Variants in TNN observed in about 807,000 individuals in gnomAD.
TNN encodes tenascin-N.
In TNN, 122 loss-of-function variants were observed where a neutral mutation model predicts 134.4. The observed-to-expected ratio is 0.91, with a 90% CI of 0.78 to 1.06. The LOEUF is 1.06. Ranked by LOEUF, TNN falls within the 50% of genes least tolerant of loss-of-function variation. TNN has a pLI of 0.00. For synonymous variants in TNN, 710 were observed against 670.3 expected (o/e 1.06, Z -0.91); for missense variants, 1,739 against 1,699.4 (o/e 1.02, Z -0.41).
intron 1 of TNN, among the ~76,000 whole-genome samples, chr1:175,069,711 C>A (rs928767526): frequency 1.3e-5 from 2 of 152,338 alleles, no homozygotes; most frequent in East Asian, 1.9e-4. Context: ...TTGCTAAGAT[C>A]TCAGGCCTGA....
chr1:175,079,797 C>T, intron 3 of TNN, 90 bp downstream of exon 3: 2 of 1,450,694 alleles, frequency 1.4e-6, no homozygotes, highest in Non-Finnish European at 1.8e-6. Context: ...CTTTGGGGGT[C>T]TCTTCCTTTA....
At position 175,098,515 on chromosome 1, in the gene TNN, C is replaced by T. The variant is rs756343208; in HGVS notation, c.2039C>T (p.Pro680Leu). The stretch of plus-strand genomic sequence containing the variant: ...AGCACAGTCCTGACAGGCCTGAGAC[C>T]GGGTATGGAGTACATGGTGCACGTG... Reference protein sequence around the residue: ...QSSTVLTGLRPGMEYMVHVWA... With the variant: ...QSSTVLTGLRLGMEYMVHVWA... The change falls in exon 9 of 19, where the codon CCG becomes CTG. Residue 680 changes from proline (P) to leucine (L), a missense_variant. Physicochemically the swap from Pro to Leu is moderately conservative, Grantham distance 98. Coordinates refer to ENST00000239462, the MANE Select transcript of TNN (RefSeq NM_022093.2). 251 of 1,614,042 alleles carry T rather than the reference C, an allele frequency of 1.6e-4. No individual in the cohort carries two copies. The highest frequency in any genetic ancestry group is 4.9e-4 in the Middle Eastern group (3 of 6,062).
intron 6 of TNN, 124 bp from the exon 7 acceptor site, chr1:175,093,866 G>A: frequency 2.1e-6 from 2 of 951,292 alleles, no homozygotes; most frequent in Non-Finnish European, 3.1e-6. Flanking sequence ...ATGATGGAGA[G>A]ACCCCCTTGT....
At chr1:175,109,182 G>C (rs1043109230) in intron 9 of TNN, among the ~76,000 whole-genome samples, 7 of 133,154 alleles carry the variant, frequency 5.3e-5, no homozygotes, top group Non-Finnish European at 6.2e-5. Context: ...TCCGCTTCCC[G>C]GGTTCACGCC....
intron 17 of TNN, among the ~76,000 whole-genome samples, chr1:175,143,257 C>T (rs1470329773): frequency 1.3e-5 from 2 of 152,158 alleles, no homozygotes; most frequent in Non-Finnish European, 2.9e-5. Flanking sequence ...CGAAGAAGAT[C>T]GCTAAACTTA....
chr1:175,137,044 T>C (rs1675830706), intron 17 of TNN, 56 bp downstream of exon 17: 1 of 1,583,794 alleles, frequency 6.3e-7, no homozygotes, highest in South Asian at 1.1e-5. Context: ...TGTGTAAGGA[T>C]TGGTTTGCCG....
At chr1:175,068,946 A>C (rs1211803946) in intron 1 of TNN, among the ~76,000 whole-genome samples, 5 of 152,100 alleles carry the variant, frequency 3.3e-5, no homozygotes, top group Admixed American at 3.3e-4. Flanking sequence ...AACAAAAAAA[A>C]CTAGTTTTTG....
chr1:175,097,478 C>T lies in TNN; in HGVS notation c.1650C>T (p.Ser550=). Reference sequence around the variant, plus strand: ...TGACTGAGAATACCGCCACCATCTCCTGGGACCCGGTACAGGCCACCATTG... The same window carrying T: ...TGACTGAGAATACCGCCACCATCTCTTGGGACCCGGTACAGGCCACCATTG... The part of the protein sequence containing the change: ...DRVTENTATI[S]WDPVQATIDK... Residue 550 remains serine (S), a synonymous_variant, in exon 8 of 19, where the codon TCC becomes TCT. Coordinates refer to ENST00000239462, the MANE Select transcript of TNN (RefSeq NM_022093.2). 2 of 1,614,230 alleles carry T rather than the reference C, an allele frequency of 1.2e-6. No homozygotes were observed. Among genetic ancestry groups the T allele is most frequent in the Non-Finnish European group, 1.7e-6 (2 of 1,180,054 alleles).
At chr1:175,138,352 C>A (rs1675867936) in intron 17 of TNN, among the ~76,000 whole-genome samples, 1 of 152,144 alleles carries the variant, frequency 6.6e-6, no homozygotes, top group Admixed American at 6.6e-5. Context: ...GCTAGCAGGA[C>A]TTTTCTATAT....
At chr1:175,134,874 T>G (rs1046154787) in intron 15 of TNN, among the ~76,000 whole-genome samples, 2 of 152,190 alleles carry the variant, frequency 1.3e-5, no homozygotes, top group Non-Finnish European at 2.9e-5. Context: ...TTCCATACAC[T>G]ACAAGCTAGA....
At chr1:175,145,465 A>T (rs1359871026) in intron 18 of TNN, among the ~76,000 whole-genome samples, 1 of 140,822 alleles carries the variant, frequency 7.1e-6, no homozygotes, top group Non-Finnish European at 1.5e-5. Context: ...AGGCAGGAAG[A>T]TCACTTGAGC....
At chr1:175,095,358 T>C (rs1027630292) in intron 7 of TNN, among the ~76,000 whole-genome samples, 4 of 152,200 alleles carry the variant, frequency 2.6e-5, no homozygotes, top group South Asian at 2.1e-4. Flanking sequence ...AACTCTGCCA[T>C]TGGAGCATGA....
At chr1:175,144,613 C>T in intron 18 of TNN, 63 bp downstream of exon 18, 1 of 1,543,992 alleles carries the variant, frequency 6.5e-7, no homozygotes, top group Non-Finnish European at 8.8e-7. Context: ...TCCAAATGGA[C>T]ACCCTCCAGG....
rs1053787559 is a variant in TNN, at chr1:175,102,621, A to C, written c.2119+4026A>C. 3.4e-5 allele frequency among the ~76,000 whole-genome samples: 5 copies of C among 145,432 alleles called. 1 individual carries two copies. Among genetic ancestry groups the C allele is most frequent in the Non-Finnish European group, 7.6e-5 (5 of 65,418 alleles). ...TGCGGGGCCCTCCAAGCCCATGCCC[A>C]CCTAGAACTCCAGCTGGCCCGCAAG... On this transcript the variant is annotated intron_variant, in intron 9 of 18. Transcript: ENST00000239462.
intron 1 of TNN, among the ~76,000 whole-genome samples, chr1:175,069,905 A>G (rs1366999595): frequency 6.6e-6 from 1 of 152,240 alleles, no homozygotes. Context: ...TATGTGGAAA[A>G]CAACACGTTA....
intron 17 of TNN, among the ~76,000 whole-genome samples, chr1:175,143,505 G>A (rs1022961147): frequency 8.9e-6 from 1 of 112,984 alleles, no homozygotes; most frequent in Non-Finnish European, 1.8e-5. Flanking sequence ...AAGTTCAGGA[G>A]TGTTTGTGTG....
At chr1:175,091,138 T>C (rs1034013872) in intron 6 of TNN, among the ~76,000 whole-genome samples, 1 of 152,256 alleles carries the variant, frequency 6.6e-6, no homozygotes, top group Non-Finnish European at 1.5e-5. Flanking sequence ...GGAGGTCCCA[T>C]CTCTGAGGCC....
At chr1:175,104,882 G>T (rs1267520377) in intron 9 of TNN, among the ~76,000 whole-genome samples, 1 of 145,782 alleles carries the variant, frequency 6.9e-6, no homozygotes, top group East Asian at 2.3e-4. Context: ...CTGGGTTATG[G>T]TGGATATCAT....
chr1:175,128,710 G>A lies in TNN; in HGVS notation c.3294G>A (p.Val1098=). The change falls in exon 15 of 19, where the codon GTG becomes GTA. Residue 1098 remains valine (V), a synonymous_variant. Transcript: ENST00000239462. ...GCGATGCCAGCCGGCCCCTGCAGGT[G>A]TACTGTGACATGGAAACGGACGGAG... The part of the protein sequence containing the change: ...LHGDASRPLQ[V]YCDMETDGGG... 6.2e-7 allele frequency: 1 copy of A among 1,613,948 alleles called. No individual in the cohort carries two copies. Among genetic ancestry groups the A allele is most frequent in the Non-Finnish European group, 8.5e-7 (1 of 1,179,902 alleles).
Sources: gnomAD v4.1 joint callset for allele counts (sites outside exome capture counted in the v4.1 genomes callset) on GRCh38, gnomAD v4.1.1 for gene constraint, MANE v1.5 for transcripts, NCBI Gene and HGNC (gene_info 2026-07-23, HGNC 2026-07-21) for gene names.